EEFSEC: variants seen among roughly 807,000 people sequenced by gnomAD.
EEFSEC encodes eukaryotic elongation factor, selenocysteine-tRNA specific, also known as selenocysteine-specific elongation factor.
EEFSEC carries 43 observed loss-of-function variants against 42.1 expected under a neutral mutation model. That is an observed-to-expected ratio of 1.02 (90% CI 0.80 to 1.32). The LOEUF is 1.32. Among genes scored for constraint, EEFSEC ranks in the 40% most tolerant of loss-of-function variants. The pLI, the probability that EEFSEC is intolerant of heterozygous loss-of-function variation, is 0.00. For synonymous variants in EEFSEC, 354 were observed against 339.1 expected, an observed-to-expected ratio of 1.04 and a Z score of -0.48; for missense variants, 745 against 803.6, an observed-to-expected ratio of 0.93 and a Z score of 0.88.
At chr3:128,181,625 C>G (rs1456342174) in intron 1 of EEFSEC, among the ~76,000 whole-genome samples, 1 of 152,220 alleles carries the variant, frequency 6.6e-6, no homozygotes, top group Non-Finnish European at 1.5e-5. Context: ...TGTTGGATCA[C>G]TGCTCCCCCA....
intron 1 of EEFSEC, among the ~76,000 whole-genome samples, chr3:128,199,595 C>T (rs115784364): frequency 0.011 from 1,715 of 152,214 alleles, 24 homozygotes; most frequent in African/African-American, 0.039. Context: ...GCTAGGTGAA[C>T]GTAATCTCTT....
the EEFSEC span, among the ~76,000 whole-genome samples, chr3:128,417,630 C>T: frequency 6.6e-6 from 1 of 152,130 alleles, no homozygotes; most frequent in African/African-American, 2.4e-5. This position sits in a 1 kb window ranked among gnomAD's most constrained non-coding sequence, Gnocchi z 4.3. Flanking sequence ...ACTGCTGTGT[C>T]CCAGTGTCAG....
chr3:128,366,019 G>A (rs899980302), intron 6 of EEFSEC, among the ~76,000 whole-genome samples: 5 of 152,228 alleles, frequency 3.3e-5, no homozygotes, highest in Non-Finnish European at 5.9e-5. Context: ...GCAACAGATT[G>A]TCAGGGGCTC....
intron 2 of EEFSEC, among the ~76,000 whole-genome samples, chr3:128,257,068 C>T (rs1410844779): frequency 6.6e-6 from 1 of 152,138 alleles, no homozygotes; most frequent in African/African-American, 2.4e-5. Context: ...TTTGAAAGCT[C>T]TAGAGTTTGC....
intron 1 of EEFSEC, among the ~76,000 whole-genome samples, chr3:128,232,995 T>C (rs540584312): frequency 1.6e-4 from 25 of 152,344 alleles, no homozygotes; most frequent in African/African-American, 5.1e-4. Flanking sequence ...CAGTGTCTAC[T>C]TCATTGCCTC....
chr3:128,299,609 C>T (rs1377340934), intron 4 of EEFSEC, among the ~76,000 whole-genome samples: 2 of 152,102 alleles, frequency 1.3e-5, no homozygotes, highest in African/African-American at 4.8e-5. Context: ...TGTCCATGAC[C>T]ACCTGACACA....
intron 6 of EEFSEC, among the ~76,000 whole-genome samples, chr3:128,369,316 C>A (rs1271945045): frequency 6.6e-6 from 1 of 152,228 alleles, no homozygotes; most frequent in African/African-American, 2.4e-5. Flanking sequence ...AACAGGCCCT[C>A]AGACAATGGG....
chr3:128,164,264 T>G (rs914742273), intron 1 of EEFSEC, among the ~76,000 whole-genome samples: 2 of 152,194 alleles, frequency 1.3e-5, no homozygotes, highest in East Asian at 3.9e-4. Flanking sequence ...GTGCCTGTGT[T>G]CAAGGGGCTC....
intron 1 of EEFSEC, among the ~76,000 whole-genome samples, chr3:128,166,555 G>T (rs1275161780): frequency 6.6e-6 from 1 of 152,154 alleles, no homozygotes; most frequent in Non-Finnish European, 1.5e-5. Flanking sequence ...TGTCCCTATT[G>T]TAGAGTTGGG....
chr3:128,227,746 C>G (rs912453951), intron 1 of EEFSEC, among the ~76,000 whole-genome samples: 1 of 152,090 alleles, frequency 6.6e-6, no homozygotes, highest in Admixed American at 6.5e-5. Context: ...GCCAGTGGGG[C>G]CTTGGATGAG....
intron 1 of EEFSEC, among the ~76,000 whole-genome samples, chr3:128,233,396 G>A (rs1273530862): frequency 6.6e-6 from 1 of 152,188 alleles, no homozygotes; most frequent in African/African-American, 2.4e-5. Context: ...CATGGGTCTG[G>A]CAGAAATCAT....
rs140471332 is a variant in EEFSEC at position 128,293,870 on chromosome 3, A to G, written c.786+29089A>G. The stretch of plus-strand genomic sequence containing the variant: ...CCTGTGGAGTTGTTGGGAGAATTAA[A>G]TGAAATTTTACAAAATGCCTTTCAC... On this transcript the variant is annotated intron_variant, in intron 4 of 6. Coordinates refer to ENST00000254730, the MANE Select transcript of EEFSEC (RefSeq NM_021937.5). Among the ~76,000 whole-genome samples the G allele has an allele frequency of 2.7e-3, 405 of 152,320 alleles. 3 individuals are homozygous for G. The highest frequency in any genetic ancestry group is 4.9e-3 in the Non-Finnish European group (335 of 68,022).
At chr3:128,307,352 A>G (rs1482864140) in intron 4 of EEFSEC, among the ~76,000 whole-genome samples, 1 of 152,114 alleles carries the variant, frequency 6.6e-6, no homozygotes, top group Non-Finnish European at 1.5e-5. Flanking sequence ...GGCTTGGTTT[A>G]TTGTTGGGGG....
intron 4 of EEFSEC, among the ~76,000 whole-genome samples, chr3:128,334,655 A>G (rs2067170470): frequency 6.6e-6 from 1 of 152,252 alleles, no homozygotes; most frequent in African/African-American, 2.4e-5. Flanking sequence ...CTTCTTTGTT[A>G]ATCAGAAAGG....
the EEFSEC span, among the ~76,000 whole-genome samples, chr3:128,425,185 C>T: frequency 6.6e-6 from 1 of 152,184 alleles, no homozygotes; most frequent in Non-Finnish European, 1.5e-5. Context: ...TGAAAGCACC[C>T]CTCGCACACC....
At chr3:128,379,044 C>G (rs529393235) in intron 6 of EEFSEC, among the ~76,000 whole-genome samples, 1 of 152,314 alleles carries the variant, frequency 6.6e-6, no homozygotes, top group Admixed American at 6.5e-5. Context: ...TGAAAACAAA[C>G]CATCCATCTT....
In EEFSEC at chr3:128,344,805, A is replaced by C. The variant is rs116302335; in HGVS notation, c.1443+2916A>C. On this transcript the variant is annotated intron_variant, in intron 5 of 6. Transcript: ENST00000254730. Reference sequence around the variant, plus strand: ...TTAATCTCAATTGTTCATTCCTTCGAAGGATGGTCTTGACCTCATCAGGTT... The same window carrying C: ...TTAATCTCAATTGTTCATTCCTTCGCAGGATGGTCTTGACCTCATCAGGTT... 6.1e-3 allele frequency among the ~76,000 whole-genome samples: 936 copies of C among 152,356 alleles called. 8 individuals are homozygous for C. Among genetic ancestry groups the C allele is most frequent in the African/African-American group, 0.021 (877 of 41,590 alleles).
chr3:128,217,363 A>G (rs2065820882), intron 1 of EEFSEC, among the ~76,000 whole-genome samples: 1 of 152,150 alleles, frequency 6.6e-6, no homozygotes, highest in Non-Finnish European at 1.5e-5. Context: ...AGGGTCCACC[A>G]TGTGCTCACT....
At chr3:128,373,119 A>G (rs988486476) in intron 6 of EEFSEC, among the ~76,000 whole-genome samples, 1 of 151,968 alleles carries the variant, frequency 6.6e-6, no homozygotes, top group African/African-American at 2.4e-5. Context: ...AGGCCCTGAG[A>G]AGTGGAATGA....
Sources: gnomAD v4.1 joint callset for allele counts (sites outside exome capture counted in the v4.1 genomes callset) on GRCh38, gnomAD v4.1.1 for gene constraint, Gnocchi (gnomAD v3.1) non-coding constraint, MANE v1.5 for transcripts, NCBI Gene and HGNC (gene_info 2026-07-23, HGNC 2026-07-21) for gene names.